Variants in CLUAP1 observed in about 807,000 individuals in gnomAD.
The protein encoded by CLUAP1 is intraflagellar transport 38.
A neutral mutation model predicts 55.0 loss-of-function variants in CLUAP1; 50 were observed. The ratio of observed to expected loss-of-function variants is 0.91; its 90% CI spans 0.72 to 1.15. The LOEUF is 1.15. Ranked by LOEUF, CLUAP1 falls within the 50% of genes most tolerant of loss-of-function variation. The probability of loss-of-function intolerance (pLI) is 0.00; values close to 1 mark genes in which losing one functional copy is unlikely to be tolerated. For missense variants in CLUAP1, 530 were observed against 507.6 expected (o/e 1.04, Z -0.42); for synonymous variants, 195 against 175.4 (o/e 1.11, Z -0.88).
At chr16:3,528,480 T>C (rs1287299596) in intron 9 of CLUAP1, among the ~76,000 whole-genome samples, 2 of 152,198 alleles carry the variant, frequency 1.3e-5, no homozygotes, top group Admixed American at 1.3e-4. Flanking sequence ...AGGGCCTGTC[T>C]AGCCAAAGCA....
intron 6 of CLUAP1, among the ~76,000 whole-genome samples, chr16:3,519,066 C>A (rs1416693934): frequency 6.6e-6 from 1 of 152,206 alleles, no homozygotes; most frequent in African/African-American, 2.4e-5. Flanking sequence ...GAGATTGGAG[C>A]CTGAACCCCA....
At chr16:3,499,165 C>T (rs2037342146), upstream of CLUAP1, among the ~76,000 whole-genome samples, 1 of 152,260 alleles carries the variant, frequency 6.6e-6, no homozygotes, top group South Asian at 2.1e-4. Context: ...GCCAACATGG[C>T]GAAACTCCGT....
chr16:3,522,903 G>T (rs748543379), intron 7 of CLUAP1, among the ~76,000 whole-genome samples: 1 of 151,870 alleles, frequency 6.6e-6, no homozygotes, highest in Admixed American at 6.6e-5. Flanking sequence ...TAATTTTTAC[G>T]TCATTCTTCA....
intron 10 of CLUAP1, among the ~76,000 whole-genome samples, chr16:3,531,328 G>A (rs1326841044): frequency 6.6e-6 from 1 of 152,006 alleles, no homozygotes; most frequent in East Asian, 1.9e-4. Flanking sequence ...AGACCATCCT[G>A]GCTAACACGG....
chr16:3,496,516 C>T (rs537489478), upstream of CLUAP1: 449 of 581,234 alleles, frequency 7.7e-4, 3 homozygotes, highest in South Asian at 4.4e-3. Context: ...TGTGCGCTGC[C>T]CGTGACCAGC....
chr16:3,522,854 C>T (rs2037866979), intron 7 of CLUAP1, among the ~76,000 whole-genome samples: 1 of 151,988 alleles, frequency 6.6e-6, no homozygotes, highest in Non-Finnish European at 1.5e-5. Flanking sequence ...GGATGTATGT[C>T]AACTATCAAG....
rs9806936 is a variant in CLUAP1, at chr16:3,531,166, G to T, written c.1036+491G>T. Among the ~76,000 whole-genome samples, 1,437 of 152,314 alleles carry T rather than the reference G, an allele frequency of 9.4e-3. 25 individuals are homozygous for T. Among genetic ancestry groups the T allele is most frequent in the African/African-American group, 0.032 (1,343 of 41,572 alleles). The stretch of plus-strand genomic sequence containing the variant: ...GCCTAGGAGCTCGGAGCTGTAGTAT[G>T]TGATGATTGTGTCCGTGAATATCCA... On this transcript the variant is annotated intron_variant, in intron 10 of 11. Coordinates refer to ENST00000576634, the MANE Select transcript of CLUAP1 (RefSeq NM_015041.3).
chr16:3,530,701 TC>T lies in CLUAP1; in HGVS notation c.1036+28del, dbSNP rs2038098188. ...GTACCCCGGCGTCTTTCGCTGGACT[TC>T]CTCCCTGCGCCCTGTTTCACAGAAC... On this transcript the variant is annotated intron_variant, in intron 10 of 11. Transcript: ENST00000576634. 7.6e-6 allele frequency: 12 copies of T among 1,572,700 alleles called. 1 individual carries two copies. Among genetic ancestry groups the T allele is most frequent in the Middle Eastern group, 1.7e-4 (1 of 5,808 alleles).
the CLUAP1 span, among the ~76,000 whole-genome samples, chr16:3,495,961 A>G: frequency 1.3e-5 from 2 of 152,122 alleles, no homozygotes; most frequent in Non-Finnish European, 2.9e-5. Context: ...TAACACGGTG[A>G]AACCCCGTCT....
chr16:3,505,546 C>CAAA (rs1230388490), intron 2 of CLUAP1, among the ~76,000 whole-genome samples: 10 of 59,554 alleles, frequency 1.7e-4, no homozygotes, highest in South Asian at 5.3e-4. Flanking sequence ...GACTCCGTCT[C>CAAA]AAAAAAAAAA....
intron 3 of CLUAP1, among the ~76,000 whole-genome samples, chr16:3,507,892 T>G (rs753971999): frequency 6.6e-6 from 1 of 152,172 alleles, no homozygotes; most frequent in Non-Finnish European, 1.5e-5. Flanking sequence ...TGAGTGGTAT[T>G]GCTTGCATGG....
At chr16:3,517,215 C>G (rs1234824799) in intron 6 of CLUAP1, among the ~76,000 whole-genome samples, 3 of 151,610 alleles carry the variant, frequency 2.0e-5, no homozygotes, top group African/African-American at 7.3e-5. Flanking sequence ...ACCTCTGCCT[C>G]CCAGGTTCAA....
rs2038041481 is a variant in CLUAP1, at chr16:3,529,615, AATATTATATATTATATATTATTAT to A, written c.929-938_929-915del. On this transcript the variant is annotated intron_variant, in intron 9 of 11. Transcript: ENST00000576634. The stretch of plus-strand genomic sequence containing the variant: ...TATTATTATATATTATATATTATAT[AATATTATATATTATATATTATTAT>A]ATATTATATATTATTATATATTATA... 2.7e-4 allele frequency among the ~76,000 whole-genome samples: 7 copies of A among 26,060 alleles called. 1 individual carries two copies. Among genetic ancestry groups the A allele is most frequent in the African/African-American group, 9.3e-4 (5 of 5,356 alleles). 17.1% of individuals were successfully genotyped at this position (26,060 alleles called of 152,430 possible). A position where few individuals can be genotyped will look rare whatever the true frequency, so the allele number is the denominator to read the frequency against.
chr16:3,500,891 G>C (rs564337522), upstream of CLUAP1: 1,679 of 668,860 alleles, frequency 2.5e-3, 4 homozygotes, highest in Admixed American at 3.1e-3. Flanking sequence ...GCTCTCTGCC[G>C]GCCCGCTCTC....
chr16:3,505,570 ATCAG>A (rs2037489903), intron 2 of CLUAP1, among the ~76,000 whole-genome samples: 1 of 147,420 alleles, frequency 6.8e-6, no homozygotes, highest in African/African-American at 2.6e-5. Context: ...AAAAAAAAAA[ATCAG>A]TGGAGTTTAA....
chr16:3,503,843 TTC>T (rs1342676448), intron 1 of CLUAP1, among the ~76,000 whole-genome samples: 3 of 152,206 alleles, frequency 2.0e-5, no homozygotes, highest in African/African-American at 4.8e-5. Flanking sequence ...TGCTCACACT[TTC>T]TGTTTCATTG....
At chr16:3,499,244 C>G (rs57189360), upstream of CLUAP1, among the ~76,000 whole-genome samples, 1,323 of 152,376 alleles carry the variant, frequency 8.7e-3, 22 homozygotes, top group African/African-American at 0.03. Flanking sequence ...CCTCCGGAGG[C>G]TGAGGCAGGA....
At chr16:3,513,085 T>C (rs918026103) in intron 5 of CLUAP1, among the ~76,000 whole-genome samples, 3 of 152,206 alleles carry the variant, frequency 2.0e-5, no homozygotes, top group African/African-American at 7.2e-5. Context: ...GATGTTTTTT[T>C]CTGGTGTACT....
chr16:3,536,090 C>T (rs1036057453), intron 11 of CLUAP1, 32 bp from the exon 12 acceptor site: 2 of 1,609,232 alleles, frequency 1.2e-6, no homozygotes, highest in Non-Finnish European at 1.7e-6. Context: ...GAGGCAGGAT[C>T]CCCCGTTGCA....
Sources: gnomAD v4.1 joint callset for allele counts (sites outside exome capture counted in the v4.1 genomes callset) on GRCh38, gnomAD v4.1.1 for gene constraint, MANE v1.5 for transcripts, NCBI Gene and HGNC (gene_info 2026-07-23, HGNC 2026-07-21) for gene names.